Variants in TTC28 observed in about 807,000 individuals in gnomAD.
The protein encoded by TTC28 is tetratricopeptide repeat protein 28.
In TTC28, 61 loss-of-function variants were observed where a neutral mutation model predicts 198.0. The observed-to-expected ratio is 0.31, with a 90% CI of 0.25 to 0.38. The LOEUF (loss-of-function observed/expected upper bound fraction) is 0.38, where lower values mean the gene tolerates loss of function less well. Ranked by LOEUF, TTC28 falls within the 10% of genes least tolerant of loss-of-function variation. The probability of loss-of-function intolerance (pLI) is 1.00; values close to 1 mark genes in which losing one functional copy is unlikely to be tolerated. For missense variants in TTC28, 2,678 were observed against 3,164.0 expected (o/e 0.85, Z 3.69); for synonymous variants, 1,171 against 1,297.8 (o/e 0.90, Z 2.10).
chr22:28,151,030 G>A (rs1209104727), intron 6 of TTC28, among the ~76,000 whole-genome samples: 5 of 152,178 alleles, frequency 3.3e-5, no homozygotes, highest in Non-Finnish European at 5.9e-5. Flanking sequence ...CTGCCTAACG[G>A]GAAAAGTCCC....
At chr22:28,506,443 T>G (rs191640706) in intron 2 of TTC28, among the ~76,000 whole-genome samples, 3 of 151,894 alleles carry the variant, frequency 2.0e-5, no homozygotes, top group Non-Finnish European at 4.4e-5. Flanking sequence ...GAGGGGTGGC[T>G]GCCATCTCAG....
intron 13 of TTC28, among the ~76,000 whole-genome samples, chr22:28,021,619 C>T (rs569009514): frequency 2.0e-4 from 30 of 152,254 alleles, no homozygotes; most frequent in Admixed American, 1.8e-3. Context: ...AAGCAAGGCC[C>T]GATAGCAGCT....
chr22:28,208,877 G>A (rs1926647161), intron 5 of TTC28, among the ~76,000 whole-genome samples: 1 of 152,070 alleles, frequency 6.6e-6, no homozygotes, highest in African/African-American at 2.4e-5. Flanking sequence ...TTAGGGTGAA[G>A]TTGCTTATTC....
chr22:28,463,080 A>C (rs16986458), intron 2 of TTC28, among the ~76,000 whole-genome samples: 2,464 of 152,324 alleles, frequency 0.016, 88 homozygotes, highest in African/African-American at 0.057. Flanking sequence ...TATCCTACCC[A>C]AGATGACTGC....
rs191157549 is a variant in TTC28 at position 28,251,237 on chromosome 22, C to T, written c.933+44961G>A. The stretch of plus-strand genomic sequence containing the variant: ...GACTGAAAGGAGACACAGATGGGAA[C>T]GATAAAAGGCCTTTTGTAAGGAGCA... On this transcript the variant is annotated intron_variant, in intron 5 of 22. Coordinates refer to ENST00000397906, the MANE Select transcript of TTC28 (RefSeq NM_001145418.2). 1.0e-3 allele frequency among the ~76,000 whole-genome samples: 152 copies of T among 152,172 alleles called. 1 individual carries two copies. Among genetic ancestry groups the T allele is most frequent in the African/African-American group, 3.3e-3 (138 of 41,508 alleles).
intron 5 of TTC28, among the ~76,000 whole-genome samples, chr22:28,197,582 A>C (rs1925503417): frequency 6.6e-6 from 1 of 152,172 alleles, no homozygotes; most frequent in South Asian, 2.1e-4. Flanking sequence ...ATCACAAAGA[A>C]TAAAATAAAA....
chr22:28,083,071 ATTT>A (rs201798492), intron 12 of TTC28, among the ~76,000 whole-genome samples: 3 of 141,098 alleles, frequency 2.1e-5, no homozygotes, highest in Non-Finnish European at 3.1e-5. Context: ...ATGATGATTC[ATTT>A]TTTTTTTTTT....
At chr22:28,041,964 C>T (rs1008791162) in intron 12 of TTC28, among the ~76,000 whole-genome samples, 1 of 151,900 alleles carries the variant, frequency 6.6e-6, no homozygotes, top group South Asian at 2.1e-4. Context: ...ATACAGCCAA[C>T]AGACATATGA....
chr22:28,444,895 C>T (rs926180367), intron 2 of TTC28, among the ~76,000 whole-genome samples: 5 of 152,112 alleles, frequency 3.3e-5, no homozygotes, highest in Admixed American at 1.3e-4. Flanking sequence ...TAACTGCAGG[C>T]GGCAGTCACA....
chr22:28,526,276 A>T (rs1267518706), intron 2 of TTC28, among the ~76,000 whole-genome samples: 1 of 152,234 alleles, frequency 6.6e-6, no homozygotes, highest in African/African-American at 2.4e-5. Context: ...CTTAGATATA[A>T]TTATTCTAAC....
At chr22:27,990,194 C>G (rs1474444048) in intron 20 of TTC28, 187 bp from the exon 21 acceptor site, 1 of 786,600 alleles carries the variant, frequency 1.3e-6, no homozygotes, top group Non-Finnish European at 1.8e-6. Flanking sequence ...CTGTGGGAAG[C>G]TCATGGGGCA....
chr22:28,629,890 G>T, intron 1 of TTC28, 60 bp from the exon 2 acceptor site: 1 of 1,427,818 alleles, frequency 7.0e-7, no homozygotes. Flanking sequence ...TTCCCCATCT[G>T]CTAAGATTTG....
intron 12 of TTC28, among the ~76,000 whole-genome samples, chr22:28,086,293 G>A (rs577006762): frequency 6.6e-6 from 1 of 152,046 alleles, no homozygotes; most frequent in South Asian, 2.1e-4. Flanking sequence ...TGTAAAAGAT[G>A]AGACATTATA....
At chr22:28,480,207 T>C (rs972856995) in intron 2 of TTC28, among the ~76,000 whole-genome samples, 5 of 152,210 alleles carry the variant, frequency 3.3e-5, no homozygotes, top group African/African-American at 1.2e-4. Flanking sequence ...TCTAAAAGCA[T>C]TTGTTTAATG....
chr22:28,258,740 T>C (rs113650235), intron 5 of TTC28, among the ~76,000 whole-genome samples: 53 of 152,216 alleles, frequency 3.5e-4, no homozygotes, highest in African/African-American at 1.3e-3. Context: ...AAATGCAATT[T>C]AGAACAACAG....
In TTC28 at chr22:28,559,590, A is replaced by G. The variant is rs752350451; in HGVS notation, c.381+69962T>C. Among the ~76,000 whole-genome samples the G allele has an allele frequency of 2.6e-5, 4 of 152,142 alleles. No individual in the cohort carries two copies. The South Asian group carries it at 8.3e-4, about 32-fold the overall frequency. ...AGCAACAGCATCTATTTCCCCACCT[A>G]CAGTCTTGCCTCTCTGTAGTCCATC... On this transcript the variant is annotated intron_variant, in intron 2 of 22. Coordinates refer to ENST00000397906, the MANE Select transcript of TTC28 (RefSeq NM_001145418.2).
intron 5 of TTC28, among the ~76,000 whole-genome samples, chr22:28,222,931 T>C (rs1927999891): frequency 6.6e-6 from 1 of 152,198 alleles, no homozygotes; most frequent in Non-Finnish European, 1.5e-5. Context: ...ATCCATGTTT[T>C]AAAATGGCTC....
At chr22:28,030,094 T>C (rs1939011091) in intron 13 of TTC28, 132 bp downstream of exon 13, 2 of 1,317,594 alleles carry the variant, frequency 1.5e-6, no homozygotes, top group African/African-American at 1.5e-5. Context: ...GAAAGCATCA[T>C]GCTTGCTGCT....
At chr22:28,385,694 A>C (rs2046570841) in intron 2 of TTC28, among the ~76,000 whole-genome samples, 1 of 152,098 alleles carries the variant, frequency 6.6e-6, no homozygotes, top group South Asian at 2.1e-4. Flanking sequence ...CAAAATTTTA[A>C]CTGGCTTACC....
Sources: allele counts gnomAD v4.1 joint callset (sites outside exome capture counted in the v4.1 genomes callset), GRCh38; gene constraint gnomAD v4.1.1; transcripts MANE v1.5; gene names NCBI Gene and HGNC (gene_info 2026-07-23, HGNC 2026-07-21).